Variants in CALCR observed in about 807,000 individuals in gnomAD.
The protein encoded by CALCR is calcitonin receptor.
CALCR carries 47 observed loss-of-function variants against 59.5 expected under a neutral mutation model. The observed-to-expected ratio is 0.79, with a 90% confidence interval of 0.63 to 1.01. The LOEUF (loss-of-function observed/expected upper bound fraction) is 1.01, where lower values mean the gene tolerates loss of function less well. CALCR is among the 50% of genes least tolerant of loss of function. The pLI is 0.00. For missense variants in CALCR, 566 were observed against 597.1 expected (o/e 0.95, Z 0.54); for synonymous variants, 213 against 211.3 (o/e 1.01, Z -0.07).
chr7:93,554,769 G>GTGTATATATA (rs1554408434), intron 2 of CALCR, among the ~76,000 whole-genome samples: 1 of 117,200 alleles, frequency 8.5e-6, no homozygotes, highest in African/African-American at 4.4e-5. Flanking sequence ...GCCAGGCCAT[G>GTGTATATATA]TATATATATA....
At chr7:93,540,188 C>A (rs867458877) in intron 2 of CALCR, among the ~76,000 whole-genome samples, 10 of 152,268 alleles carry the variant, frequency 6.6e-5, no homozygotes, top group Middle Eastern at 3.4e-3. Flanking sequence ...GCAGGTAATT[C>A]AATATTGGAC....
At chr7:93,551,295 CT>C (rs1398055610) in intron 2 of CALCR, among the ~76,000 whole-genome samples, 2 of 152,160 alleles carry the variant, frequency 1.3e-5, no homozygotes, top group African/African-American at 4.8e-5. Flanking sequence ...CGCTCAAGAA[CT>C]TAAAACGTGT....
chr7:93,507,384 G>A (rs1440090846), intron 2 of CALCR, among the ~76,000 whole-genome samples: 2 of 152,092 alleles, frequency 1.3e-5, no homozygotes, highest in African/African-American at 4.8e-5. Flanking sequence ...TTCAAAGGGA[G>A]AGCCAGCTGT....
rs372014417 is a variant in CALCR at position 93,468,535 on chromosome 7, G to T, written c.521+180C>A. The stretch of plus-strand genomic sequence containing the variant: ...ATAAATTTATCCTGTTCTCCCCAAA[G>T]ATAGGATTAAAAGCATATTTAAATT... On this transcript the variant is annotated intron_variant, in intron 7 of 13. Coordinates refer to ENST00000426151, the MANE Select transcript of CALCR (RefSeq NM_001742.4). 4.7e-4 allele frequency among the ~76,000 whole-genome samples: 71 copies of T among 151,872 alleles called. 2 individuals are homozygous for T. The highest frequency in any genetic ancestry group is 1.6e-3 in the African/African-American group (68 of 41,510).
chr7:93,431,795 T>G (rs1799663398), intron 13 of CALCR, among the ~76,000 whole-genome samples: 1 of 151,386 alleles, frequency 6.6e-6, no homozygotes, highest in African/African-American at 2.5e-5. Flanking sequence ...TATAAACTAT[T>G]TTATCCACGA....
At chr7:93,495,038 T>C (rs1270679770) in intron 2 of CALCR, among the ~76,000 whole-genome samples, 1 of 151,248 alleles carries the variant, frequency 6.6e-6, no homozygotes, top group African/African-American at 2.4e-5. Flanking sequence ...AGATTCCAGG[T>C]GATATTGTTA....
intron 8 of CALCR, among the ~76,000 whole-genome samples, chr7:93,454,755 AC>A (rs200487033): frequency 2.0e-5 from 3 of 149,542 alleles, no homozygotes; most frequent in African/African-American, 7.7e-5. Context: ...TTTGAGTTTA[AC>A]TTTTTTTAAA....
chr7:93,426,276 G>C lies in CALCR; in HGVS notation c.*80C>G. 1.3e-6 allele frequency: 1 copy of C among 795,826 alleles called. No individual in the cohort carries two copies. The highest frequency in any genetic ancestry group is 1.5e-5 in the South Asian group (1 of 68,050). 49.3% of individuals were successfully genotyped at this position (795,826 alleles called of 1,614,324 possible). On this transcript the variant is annotated 3_prime_UTR_variant, in exon 14 of 14. Coordinates refer to ENST00000426151, the MANE Select transcript of CALCR (RefSeq NM_001742.4). ...AAATGATATGTTCGGTTCCTGGGAG[G>C]ATGGAGAATACTTTAAATGCATGGT...
At chr7:93,429,385 T>TAAC (rs1454456193) in intron 13 of CALCR, among the ~76,000 whole-genome samples, 1 of 152,146 alleles carries the variant, frequency 6.6e-6, no homozygotes, top group Non-Finnish European at 1.5e-5. Context: ...GGGATAAATG[T>TAAC]AACAACAACA....
chr7:93,498,992 A>G (rs1211295661), intron 2 of CALCR, among the ~76,000 whole-genome samples: 2 of 151,668 alleles, frequency 1.3e-5, no homozygotes, highest in Non-Finnish European at 3.0e-5. Context: ...TCCCAGAAGA[A>G]CTTCAAACTC....
intron 2 of CALCR, among the ~76,000 whole-genome samples, chr7:93,497,118 A>G (rs1275943159): frequency 1.3e-5 from 2 of 151,592 alleles, no homozygotes; most frequent in Non-Finnish European, 3.0e-5. Flanking sequence ...CACTTTCTGC[A>G]TTGGAGAGCT....
chr7:93,426,310 C>T lies in CALCR; in HGVS notation c.*46G>A, dbSNP rs772391380. Reference sequence around the variant, plus strand: ...TACTTTAAATGCATGGTCTTTCTCCCAGGAAATGATGGCTCAGTGATCACG... The same window carrying T: ...TACTTTAAATGCATGGTCTTTCTCCTAGGAAATGATGGCTCAGTGATCACG... On this transcript the variant is annotated 3_prime_UTR_variant, in exon 14 of 14. Transcript: ENST00000426151. The T allele has an allele frequency of 5.6e-6, 6 of 1,080,696 alleles. No homozygotes were observed. Among genetic ancestry groups the T allele is most frequent in the Non-Finnish European group, 8.6e-6 (6 of 696,116 alleles). The allele number at this position is 1,080,696 out of a possible 1,614,324, so 66.9% of individuals were successfully genotyped here. A position where few individuals can be genotyped will look rare whatever the true frequency, so the allele number is the denominator to read the frequency against.
intron 2 of CALCR, among the ~76,000 whole-genome samples, chr7:93,546,819 C>G (rs528980959): frequency 2.0e-5 from 3 of 152,002 alleles, no homozygotes; most frequent in African/African-American, 7.2e-5. Context: ...CCTTGGCCTC[C>G]CAAAGTGCTG....
intron 8 of CALCR, among the ~76,000 whole-genome samples, chr7:93,446,605 C>T (rs1482282198): frequency 7.9e-5 from 12 of 151,916 alleles, no homozygotes; most frequent in African/African-American, 2.4e-5. Flanking sequence ...GTCATATAGC[C>T]CCTGACTTAA....
At chr7:93,486,021 T>G (rs145841597) in intron 3 of CALCR, among the ~76,000 whole-genome samples, 1,563 of 151,746 alleles carry the variant, frequency 0.01, 29 homozygotes, top group African/African-American at 0.036. Flanking sequence ...TTAGACAGAC[T>G]TGTAGGCCTA....
intron 3 of CALCR, among the ~76,000 whole-genome samples, chr7:93,484,658 T>C (rs1295822682): frequency 2.0e-5 from 3 of 151,794 alleles, no homozygotes; most frequent in Non-Finnish European, 2.9e-5. Flanking sequence ...ACTGTGTAAT[T>C]CTACTTACAT....
chr7:93,506,222 C>G (rs915293541), intron 2 of CALCR, among the ~76,000 whole-genome samples: 1 of 152,168 alleles, frequency 6.6e-6, no homozygotes, highest in African/African-American at 2.4e-5. Context: ...TGCCGCTTCA[C>G]TAGGTTTCTG....
chr7:93,440,608 A>C (rs1799881206), intron 9 of CALCR, among the ~76,000 whole-genome samples: 1 of 151,934 alleles, frequency 6.6e-6, no homozygotes, highest in African/African-American at 2.4e-5. Flanking sequence ...AAAACATTAC[A>C]TTTTAGAACT....
chr7:93,430,232 G>A (rs1332942321), intron 13 of CALCR, among the ~76,000 whole-genome samples: 1 of 152,138 alleles, frequency 6.6e-6, no homozygotes, highest in Non-Finnish European at 1.5e-5. Context: ...ACCACGCCTG[G>A]CCTAGGTGGT....
Sources: allele counts gnomAD v4.1 joint callset (sites outside exome capture counted in the v4.1 genomes callset), GRCh38; gene constraint gnomAD v4.1.1; transcripts MANE v1.5; gene names NCBI Gene and HGNC (gene_info 2026-07-23, HGNC 2026-07-21).